The following CAMTA1 variants were observed in gnomAD, a reference collection of about 807,000 sequenced individuals.
The protein encoded by CAMTA1 is calmodulin-binding transcription activator 1.
In CAMTA1, 27 loss-of-function variants were observed where a neutral mutation model predicts 170.9. The observed-to-expected ratio is 0.16, with a 90% CI of 0.12 to 0.22. CAMTA1 has a LOEUF of 0.22. Ranked by LOEUF, CAMTA1 falls within the 10% of genes least tolerant of loss-of-function variation. CAMTA1 has a pLI of 1.00. For missense variants in CAMTA1, 1,619 were observed against 2,217.2 expected (o/e 0.73, Z 5.42); for synonymous variants, 833 against 891.5 (o/e 0.93, Z 1.17).
intron 4 of CAMTA1, among the ~76,000 whole-genome samples, chr1:7,225,633 G>T (rs1300923635): frequency 6.6e-6 from 1 of 152,230 alleles, no homozygotes; most frequent in Non-Finnish European, 1.5e-5. Context: ...GGGGTTGACA[G>T]CTACCCCAGA....
At chr1:6,993,535 T>C (rs1696718166) in intron 3 of CAMTA1, among the ~76,000 whole-genome samples, 1 of 152,180 alleles carries the variant, frequency 6.6e-6, no homozygotes, top group African/African-American at 2.4e-5. Flanking sequence ...TTGCTTCTTG[T>C]CTTTTGAGGC....
intron 5 of CAMTA1, among the ~76,000 whole-genome samples, chr1:7,269,480 G>A (rs987519619): frequency 3.9e-5 from 6 of 152,188 alleles, no homozygotes; most frequent in African/African-American, 1.4e-4. Flanking sequence ...TGAGTTGGAA[G>A]CCAGTTATCA....
chr1:7,285,632 T>A (rs1672242386), intron 5 of CAMTA1, among the ~76,000 whole-genome samples: 1 of 152,176 alleles, frequency 6.6e-6, no homozygotes, highest in Admixed American at 6.5e-5. Flanking sequence ...TTTAAAGATG[T>A]TGGTACAACA....
At chr1:7,269,113 A>G (rs1315904670) in intron 5 of CAMTA1, among the ~76,000 whole-genome samples, 1 of 152,232 alleles carries the variant, frequency 6.6e-6, no homozygotes, top group African/African-American at 2.4e-5. Flanking sequence ...GAATCCAGAC[A>G]TGGCTTGACT....
At chr1:7,688,891 A>T (rs1402323869) in intron 11 of CAMTA1, among the ~76,000 whole-genome samples, 1 of 152,194 alleles carries the variant, frequency 6.6e-6, no homozygotes, top group Non-Finnish European at 1.5e-5. Flanking sequence ...GTGAAATCAG[A>T]GTCCTTTGTT....
intron 19 of CAMTA1, among the ~76,000 whole-genome samples, chr1:7,750,434 T>C (rs948912747): frequency 1.3e-5 from 2 of 152,242 alleles, no homozygotes; most frequent in Non-Finnish European, 2.9e-5. Context: ...TCTGTTTGAT[T>C]AGAAATTTGG....
At chr1:6,929,792 C>T (rs1233649331) in intron 3 of CAMTA1, among the ~76,000 whole-genome samples, 17 of 152,214 alleles carry the variant, frequency 1.1e-4, no homozygotes, top group African/African-American at 2.7e-4. Context: ...CCACTGTGCC[C>T]GGCCCTTAAA....
chr1:7,182,112 A>G (rs1268007220), intron 4 of CAMTA1, among the ~76,000 whole-genome samples: 4 of 152,138 alleles, frequency 2.6e-5, no homozygotes, highest in Admixed American at 6.5e-5. Flanking sequence ...TGGAGCAGAG[A>G]TTACCTTTTC....
rs1055826834 is a variant in CAMTA1 at position 6,862,482 on chromosome 1, G to A, written c.234+37272G>A. On this transcript the variant is annotated intron_variant, in intron 3 of 22. Coordinates refer to ENST00000303635, the MANE Select transcript of CAMTA1 (RefSeq NM_015215.4). ...TTTGAATAATGCCATGAACATAGGTGTAAAATCTGAGAGCCAGACGTCTTG... is the reference window on the plus strand; with the variant it reads ...TTTGAATAATGCCATGAACATAGGTATAAAATCTGAGAGCCAGACGTCTTG... Among the ~76,000 whole-genome samples, 4 of 152,180 alleles carry A rather than the reference G, an allele frequency of 2.6e-5. 1 individual carries two copies. The highest frequency in any genetic ancestry group is 9.7e-5 in the African/African-American group (4 of 41,434).
rs1238414373 is a variant in CAMTA1 at position 7,234,811 on chromosome 1, G to T, written c.303-14680G>T. Among the ~76,000 whole-genome samples the T allele has an allele frequency of 2.2e-5, 3 of 137,406 alleles. No homozygotes were observed. Among genetic ancestry groups the T allele is most frequent in the African/African-American group, 8.4e-5 (3 of 35,694 alleles). The allele number at this position is 137,406 out of a possible 152,430, so 90.1% of individuals were successfully genotyped here. On this transcript the variant is annotated intron_variant, in intron 4 of 22. Coordinates refer to ENST00000303635, the MANE Select transcript of CAMTA1 (RefSeq NM_015215.4). This position sits in a 1 kb window ranked among gnomAD's most constrained non-coding sequence, Gnocchi z 5.0. ...ACCTTTTTTTTTTTTTTTTTAGATA[G>T]AGTCTCACTTTGTCACCCAGGCTGG...
chr1:7,382,829 A>ATGAT (rs1406628582), intron 5 of CAMTA1: 8 of 121,884 alleles, frequency 6.6e-5, no homozygotes, highest in Admixed American at 5.1e-4. Context: ...TGCTTCCTAG[A>ATGAT]TGATAGATAG....
chr1:7,178,702 A>T (rs1292068287), intron 4 of CAMTA1, among the ~76,000 whole-genome samples: 2 of 152,126 alleles, frequency 1.3e-5, no homozygotes, highest in East Asian at 3.9e-4. Flanking sequence ...AGCTAGAGGG[A>T]GAAGGGCACT....
At chr1:7,671,948 G>A (rs548791183) in intron 10 of CAMTA1, 2 of 454,520 alleles carry the variant, frequency 4.4e-6, no homozygotes, top group African/African-American at 2.0e-5. Context: ...GATTGTGACG[G>A]AATGAATGAG....
intron 6 of CAMTA1, among the ~76,000 whole-genome samples, chr1:7,471,158 CCT>C (rs1239073571): frequency 6.6e-6 from 1 of 152,208 alleles, no homozygotes; most frequent in Non-Finnish European, 1.5e-5. Flanking sequence ...GAGGGTGCTA[CCT>C]CTCTGTCTGT....
intron 6 of CAMTA1, among the ~76,000 whole-genome samples, chr1:7,630,254 C>T (rs1291681774): frequency 6.6e-6 from 1 of 152,170 alleles, no homozygotes; most frequent in Non-Finnish European, 1.5e-5. Context: ...AAAGTGCAGG[C>T]AGACGGGACC....
intron 6 of CAMTA1, among the ~76,000 whole-genome samples, chr1:7,573,474 A>G (rs2095149516): frequency 6.6e-6 from 1 of 152,098 alleles, no homozygotes; most frequent in African/African-American, 2.4e-5. Context: ...ATAAATTACC[A>G]CTGACCGGGT....
At chr1:6,962,800 G>T (rs1313407497) in intron 3 of CAMTA1, among the ~76,000 whole-genome samples, 1 of 142,744 alleles carries the variant, frequency 7.0e-6, no homozygotes, top group African/African-American at 2.7e-5. Flanking sequence ...TTTTGGGCCC[G>T]CACCCATCTG....
At chr1:7,753,348 C>T (rs975064052) in intron 21 of CAMTA1, among the ~76,000 whole-genome samples, 3 of 152,196 alleles carry the variant, frequency 2.0e-5, no homozygotes, top group African/African-American at 4.8e-5. Flanking sequence ...TCTGTAACTG[C>T]GGCCATCCGA....
At chr1:7,392,461 G>A (rs1429876954) in intron 5 of CAMTA1, among the ~76,000 whole-genome samples, 1 of 151,108 alleles carries the variant, frequency 6.6e-6, no homozygotes, top group Non-Finnish European at 1.5e-5. Flanking sequence ...CTCCATGTTG[G>A]TCAGGCTGGT....
Sources: gnomAD v4.1 joint callset for allele counts (sites outside exome capture counted in the v4.1 genomes callset) on GRCh38, gnomAD v4.1.1 for gene constraint, Gnocchi (gnomAD v3.1) non-coding constraint, MANE v1.5 for transcripts, NCBI Gene and HGNC (gene_info 2026-07-23, HGNC 2026-07-21) for gene names.